KLF15: variants seen among roughly 807,000 people sequenced by gnomAD.
KLF15 encodes the protein Krueppel-like factor 15.
In KLF15, 4 loss-of-function variants were observed where a neutral mutation model predicts 24.6. The ratio of observed to expected loss-of-function variants is 0.16; its 90% CI spans 0.08 to 0.37. The LOEUF is 0.37. Ranked by LOEUF, KLF15 falls within the 10% of genes least tolerant of loss-of-function variation. The probability of loss-of-function intolerance (pLI) is 1.00; values close to 1 mark genes in which losing one functional copy is unlikely to be tolerated. For synonymous variants in KLF15, 246 were observed against 236.3 expected (o/e 1.04, Z -0.37); for missense variants, 496 against 560.6 (o/e 0.88, Z 1.16).
chr3:126,323,527 A>C, the KLF15 span, among the ~76,000 whole-genome samples: 1 of 135,076 alleles, frequency 7.4e-6, no homozygotes, highest in South Asian at 2.3e-4. Flanking sequence ...TATATATATA[A>C]ATATGTATGT....
intron 1 of KLF15, among the ~76,000 whole-genome samples, chr3:126,353,669 G>C (rs1335680810): frequency 1.3e-5 from 2 of 152,240 alleles, no homozygotes; most frequent in African/African-American, 4.8e-5. Context: ...AAAAGTGCCT[G>C]CCTGCGCAGC....
chr3:126,321,940 G>T, the KLF15 span, among the ~76,000 whole-genome samples: 4,303 of 152,274 alleles, frequency 0.028, 144 homozygotes, highest in African/African-American at 0.078. Flanking sequence ...CTACACCGAA[G>T]AGCAAATGCA....
At chr3:126,357,033 G>T (rs1029364983) in intron 1 of KLF15, among the ~76,000 whole-genome samples, 1 of 143,660 alleles carries the variant, frequency 7.0e-6, no homozygotes, top group African/African-American at 2.9e-5. Context: ...CGACCGGGGC[G>T]GGGGGGGTCA....
At chr3:126,296,309 G>A in the KLF15 span, among the ~76,000 whole-genome samples, 1 of 152,094 alleles carries the variant, frequency 6.6e-6, no homozygotes, top group Non-Finnish European at 1.5e-5. Flanking sequence ...CCAGGTTCAC[G>A]CCATTCTCCT....
intron 2 of KLF15, among the ~76,000 whole-genome samples, chr3:126,347,800 T>C (rs1048651402): frequency 2.0e-5 from 3 of 151,900 alleles, no homozygotes; most frequent in African/African-American, 7.3e-5. Context: ...CAGAAGGAAG[T>C]GGAGGCTGAG....
At chr3:126,330,646 C>T in the KLF15 span, among the ~76,000 whole-genome samples, 161 of 151,970 alleles carry the variant, frequency 1.1e-3, no homozygotes, top group African/African-American at 3.7e-3. Flanking sequence ...TAAGTGTGTC[C>T]TATTCACCCT....
the KLF15 span, among the ~76,000 whole-genome samples, chr3:126,327,633 G>C: frequency 6.6e-6 from 1 of 152,128 alleles, no homozygotes; most frequent in Non-Finnish European, 1.5e-5. Flanking sequence ...TGTGCTGCTG[G>C]GGGCATTGTT....
chr3:126,341,656 C>T (rs1301737149), downstream of KLF15, among the ~76,000 whole-genome samples: 1 of 152,158 alleles, frequency 6.6e-6, no homozygotes, highest in Non-Finnish European at 1.5e-5. Flanking sequence ...CTGGTGAGAA[C>T]AACGGCCTCT....
chr3:126,331,659 G>A, the KLF15 span, among the ~76,000 whole-genome samples: 1 of 152,062 alleles, frequency 6.6e-6, no homozygotes, highest in African/African-American at 2.4e-5. Context: ...AGCTCCCAGC[G>A]TGAGCGACGC....
At position 126,352,925 on chromosome 3, in the gene KLF15, T is replaced by C; in HGVS notation, c.-3A>G. On this transcript the variant is annotated 5_prime_UTR_variant, in exon 2 of 3. Coordinates refer to ENST00000296233, the MANE Select transcript of KLF15 (RefSeq NM_014079.4). ...ACTGGAAGTAAGTGGTCCACCATGC[T>C]GGCCTGGCCGTGCCGGTGGCGGCTG... 6.3e-7 allele frequency: 1 copy of C among 1,594,466 alleles called. No homozygotes were observed. Among genetic ancestry groups the C allele is most frequent in the Non-Finnish European group, 8.6e-7 (1 of 1,169,190 alleles).
At chr3:126,315,296 T>G in the KLF15 span, among the ~76,000 whole-genome samples, 2 of 152,220 alleles carry the variant, frequency 1.3e-5, no homozygotes, top group African/African-American at 4.8e-5. Context: ...TCTGAAGTAC[T>G]GGGAGTTAGG....
downstream of KLF15, among the ~76,000 whole-genome samples, chr3:126,339,665 C>T (rs1280175837): frequency 6.6e-6 from 1 of 152,168 alleles, no homozygotes. Flanking sequence ...GTTCATTCCT[C>T]ACAGGTTCCC....
chr3:126,301,610 CTTTTT>C, the KLF15 span, among the ~76,000 whole-genome samples: 6,150 of 132,142 alleles, frequency 0.047, 348 homozygotes, highest in African/African-American at 0.16. Flanking sequence ...TTTTCTTTTT[CTTTTT>C]TTTTTTTTTT....
At chr3:126,303,033 CTG>C in the KLF15 span, among the ~76,000 whole-genome samples, 1 of 151,946 alleles carries the variant, frequency 6.6e-6, no homozygotes, top group Admixed American at 6.6e-5. Flanking sequence ...ATATCTATAA[CTG>C]TTATTTTAAT....
chr3:126,289,278 C>G, the KLF15 span, among the ~76,000 whole-genome samples: 1 of 152,166 alleles, frequency 6.6e-6, no homozygotes, highest in African/African-American at 2.4e-5. Flanking sequence ...AAGGCTTTTA[C>G]TAAGCAGCAA....
At chr3:126,302,459 G>T in the KLF15 span, among the ~76,000 whole-genome samples, 1 of 152,204 alleles carries the variant, frequency 6.6e-6, no homozygotes, top group Admixed American at 6.5e-5. Context: ...TCTTTTATCA[G>T]TTATCAATTA....
chr3:126,320,061 G>T, the KLF15 span, among the ~76,000 whole-genome samples: 1 of 152,134 alleles, frequency 6.6e-6, no homozygotes, highest in East Asian at 1.9e-4. Flanking sequence ...AGCATACTTT[G>T]GGCTTTATCC....
chr3:126,332,362 T>G, the KLF15 span, among the ~76,000 whole-genome samples: 1 of 143,722 alleles, frequency 7.0e-6, no homozygotes, highest in Non-Finnish European at 1.5e-5. Context: ...CTGAGGGTCC[T>G]GTCTGTTAGA....
intron 1 of KLF15, 147 bp from the exon 2 acceptor site, chr3:126,353,094 G>T: frequency 1.1e-6 from 1 of 944,752 alleles, no homozygotes; most frequent in Non-Finnish European, 1.5e-6. Flanking sequence ...GGAGAGCTGT[G>T]CCTGCAAGAG....
Sources: allele counts gnomAD v4.1 joint callset (sites outside exome capture counted in the v4.1 genomes callset), GRCh38; gene constraint gnomAD v4.1.1; transcripts MANE v1.5; gene names NCBI Gene and HGNC (gene_info 2026-07-23, HGNC 2026-07-21).